USP28: variants seen among roughly 807,000 people sequenced by gnomAD.
USP28 encodes ubiquitin carboxyl-terminal hydrolase 28.
In USP28, 113 loss-of-function variants were observed where a neutral mutation model predicts 145.0. The ratio of observed to expected loss-of-function variants is 0.78; its 90% CI spans 0.67 to 0.91. USP28 has a LOEUF of 0.91. Ranked by LOEUF, USP28 falls within the 40% of genes least tolerant of loss-of-function variation. The pLI is 0.00. For synonymous variants in USP28, 447 were observed against 450.9 expected (o/e 0.99, Z 0.11); for missense variants, 1,201 against 1,289.6 (o/e 0.93, Z 1.05).
intron 11 of USP28, 45 bp downstream of exon 11, chr11:113,827,188 C>A: frequency 1.3e-6 from 2 of 1,581,658 alleles, no homozygotes; most frequent in South Asian, 1.2e-5. Flanking sequence ...CTCATCTCTA[C>A]TGCTGTAATA....
chr11:113,829,002 TAGTTTTAGTAAAA>T (rs956923159), intron 10 of USP28, 182 bp downstream of exon 10: 4 of 751,856 alleles, frequency 5.3e-6, no homozygotes, highest in Non-Finnish European at 9.1e-6. Flanking sequence ...CTCAAATTCA[TAGTTTTAGTAAAA>T]ATTATTTATC....
chr11:113,856,712 T>C (rs553956051), intron 1 of USP28, among the ~76,000 whole-genome samples: 1 of 152,264 alleles, frequency 6.6e-6, no homozygotes, highest in East Asian at 1.9e-4. Context: ...TATTTATTTT[T>C]ATTTATTTAT....
intron 1 of USP28, among the ~76,000 whole-genome samples, chr11:113,870,774 C>T (rs902335645): frequency 6.6e-6 from 1 of 152,218 alleles, no homozygotes; most frequent in Non-Finnish European, 1.5e-5. Context: ...AAGAGTTAGT[C>T]TTGCTCAAGT....
At chr11:113,871,087 G>A (rs188854905) in intron 1 of USP28, among the ~76,000 whole-genome samples, 50 of 152,310 alleles carry the variant, frequency 3.3e-4, no homozygotes, top group African/African-American at 1.2e-3. Context: ...TACAGGCAGT[G>A]GTATGCTGAT....
chr11:113,835,719 T>C (rs951952840), intron 5 of USP28, among the ~76,000 whole-genome samples: 4 of 152,250 alleles, frequency 2.6e-5, no homozygotes, highest in Admixed American at 2.6e-4. Context: ...GAAAAATGGC[T>C]TTACATTCTC....
chr11:113,832,439 C>T (rs1944107182), intron 7 of USP28, among the ~76,000 whole-genome samples: 1 of 152,068 alleles, frequency 6.6e-6, no homozygotes, highest in Non-Finnish European at 1.5e-5. Context: ...GGCTGAATAT[C>T]ATGAAAACAT....
At chr11:113,809,999 C>A (rs1467278702) in intron 16 of USP28, among the ~76,000 whole-genome samples, 1 of 140,102 alleles carries the variant, frequency 7.1e-6, no homozygotes, top group Non-Finnish European at 1.5e-5. Context: ...TGCGCCACTG[C>A]GCTCCAGCCT....
chr11:113,849,784 T>G (rs1946268284), intron 3 of USP28, among the ~76,000 whole-genome samples: 1 of 152,110 alleles, frequency 6.6e-6, no homozygotes. Flanking sequence ...TATGGGGAGA[T>G]TCCCTGGTGG....
intron 7 of USP28, 76 bp from the exon 8 acceptor site, chr11:113,832,069 A>C: frequency 8.4e-7 from 1 of 1,190,438 alleles, no homozygotes; most frequent in Non-Finnish European, 1.2e-6. Context: ...TATCCCACCA[A>C]TGAATTAAGA....
intron 6 of USP28, 140 bp from the exon 7 acceptor site, chr11:113,833,697 T>C: frequency 1.3e-6 from 1 of 748,108 alleles, no homozygotes; most frequent in Non-Finnish European, 2.1e-6. Flanking sequence ...CTATGTGTGT[T>C]ACAGGGACTC....
chr11:113,812,600 G>A, intron 15 of USP28, 96 bp from the exon 16 acceptor site: 1 of 1,071,500 alleles, frequency 9.3e-7, no homozygotes, highest in Non-Finnish European at 1.4e-6. Flanking sequence ...TGTGATTAAT[G>A]TGGGGTTCAT....
At chr11:113,854,918 G>A (rs1487031684) in intron 1 of USP28, among the ~76,000 whole-genome samples, 1 of 152,138 alleles carries the variant, frequency 6.6e-6, no homozygotes, top group Admixed American at 6.6e-5. Flanking sequence ...AGTTCTCCAG[G>A]TTTTTCTTTT....
At chr11:113,820,262 C>CT (rs1321076685) in intron 12 of USP28, 1 of 152,122 alleles carries the variant, frequency 6.6e-6, no homozygotes, top group Non-Finnish European at 1.5e-5. Context: ...CCTCCACTGC[C>CT]TTAGAACCCA....
exon 15 of USP28, chr11:113,813,894 G>A (rs983402290): frequency 6.2e-7 from 1 of 1,612,636 alleles, no homozygotes; most frequent in African/African-American, 1.3e-5. Context: ...CCTGACGAAG[G>A]AGAGGATCGC....
At chr11:113,864,854 G>C (rs2136968777) in intron 1 of USP28, among the ~76,000 whole-genome samples, 1 of 152,204 alleles carries the variant, frequency 6.6e-6, no homozygotes, top group South Asian at 2.1e-4. Flanking sequence ...TAACCATCAT[G>C]AAGACAGTAT....
At chr11:113,852,388 T>C (rs1412417252) in intron 3 of USP28, 113 bp downstream of exon 3, 4 of 1,381,778 alleles carry the variant, frequency 2.9e-6, no homozygotes, top group African/African-American at 1.4e-5. Context: ...TAATAAGCTG[T>C]TATTACTATT....
At chr11:113,817,507 T>C (rs1941913808) in intron 13 of USP28, 151 bp downstream of exon 13, 2 of 876,362 alleles carry the variant, frequency 2.3e-6, no homozygotes, top group Non-Finnish European at 3.4e-6. Flanking sequence ...CCCACCCAAG[T>C]GACAGTCAGC....
chr11:113,863,831 G>A (rs1485652766), intron 1 of USP28, among the ~76,000 whole-genome samples: 2 of 151,952 alleles, frequency 1.3e-5, no homozygotes, highest in Non-Finnish European at 2.9e-5. Flanking sequence ...TGTAGTCCCA[G>A]CTACTCGGGA....
In USP28 at chr11:113,829,104, C is replaced by A. The variant is rs564457508; in HGVS notation, c.1059+93G>T. 4.0e-4 allele frequency: 616 copies of A among 1,537,254 alleles called. 1 individual carries two copies. Among genetic ancestry groups the A allele is most frequent in the Non-Finnish European group, 4.7e-4 (534 of 1,132,488 alleles). On this transcript the variant is annotated intron_variant, in intron 10 of 24. Coordinates refer to ENST00000003302, the Ensembl canonical transcript of USP28. ...TCAAGTTCTGCTAAGTGTAAAGTTA[C>A]TTAATATGTGATGGGAAACTAGTCT... is the stretch of plus-strand genomic sequence containing the variant.
Sources: gnomAD v4.1 joint callset for allele counts (sites outside exome capture counted in the v4.1 genomes callset) on GRCh38, gnomAD v4.1.1 for gene constraint, MANE v1.5 for transcripts, NCBI Gene and HGNC (gene_info 2026-07-23, HGNC 2026-07-21) for gene names.